ZNF514: variants seen among roughly 807,000 people sequenced by gnomAD.
ZNF514 encodes zinc finger protein 514.
ZNF514 carries 12 observed loss-of-function variants against 9.7 expected under a neutral mutation model. That is an observed-to-expected ratio of 1.24 (90% CI 0.79 to 2.01). ZNF514 has a LOEUF of 2.01. Among genes scored for constraint, ZNF514 ranks in the 30% most tolerant of loss-of-function variants. The probability of loss-of-function intolerance (pLI) is 0.00; values close to 1 mark genes in which losing one functional copy is unlikely to be tolerated. For missense variants in ZNF514, 467 were observed against 465.5 expected (o/e 1.00, Z -0.03); for synonymous variants, 158 against 163.7 (o/e 0.97, Z 0.27).
At chr2:95,133,164 G>C in the ZNF514 span, among the ~76,000 whole-genome samples, 1 of 152,022 alleles carries the variant, frequency 6.6e-6, no homozygotes, top group African/African-American at 2.4e-5. Context: ...AGAGAATTAT[G>C]CTAAATGAAA....
In ZNF514 at chr2:95,157,395, C is replaced by T; in HGVS notation, c.-51G>A. 7.8e-7 allele frequency: 1 copy of T among 1,289,662 alleles called. No individual in the cohort carries two copies. The highest frequency in any genetic ancestry group is 1.0e-6 in the Non-Finnish European group (1 of 988,780). The allele number at this position is 1,289,662 out of a possible 1,614,324, so 79.9% of individuals were successfully genotyped here. ...AATGAATTGGTTGTTCCCTCTTCTC[C>T]TGGGAATCTCTCTGGAGGAAGAGCA... On this transcript the variant is annotated 5_prime_UTR_variant, in exon 2 of 5. Coordinates refer to ENST00000295208, the MANE Select transcript of ZNF514 (RefSeq NM_032788.3).
intron 4 of ZNF514, 131 bp from the exon 5 acceptor site, chr2:95,150,398 A>AT: frequency 9.9e-7 from 1 of 1,008,882 alleles, no homozygotes; most frequent in Non-Finnish European, 1.4e-6. Flanking sequence ...GGACGTACAG[A>AT]TTTTTTCAAT....
intron 1 of ZNF514, among the ~76,000 whole-genome samples, chr2:95,158,545 C>A (rs1673749865): frequency 6.6e-6 from 1 of 152,200 alleles, no homozygotes; most frequent in Admixed American, 6.5e-5. Flanking sequence ...TGAGCTAGAA[C>A]GACTGGAAGA....
At chr2:95,156,660 A>G (rs181068002) in intron 2 of ZNF514, among the ~76,000 whole-genome samples, 59 of 152,350 alleles carry the variant, frequency 3.9e-4, no homozygotes, top group African/African-American at 1.4e-3. Flanking sequence ...TTCTCCATAA[A>G]TAATAACTAT....
rs763315542 is a variant in ZNF514, at chr2:95,149,598, G to T, written c.887C>A (p.Ala296Asp). The change falls in exon 5 of 5, where the codon GCC (alanine) becomes GAC (aspartate). Residue 296 changes from alanine to aspartate, a missense_variant. Ala to Asp is a moderately radical substitution (Grantham distance 126). Coordinates refer to ENST00000295208, the MANE Select transcript of ZNF514 (RefSeq NM_032788.3). ...AATAAGGGATGAAGTGTGACCAAAG[G>T]CTCGTCCACATTCATTACATTTGTA... Reference protein sequence around the residue: ...KPYKCNECGRAFGHTSSLIKH... With the variant: ...KPYKCNECGRDFGHTSSLIKH... 1.2e-6 allele frequency: 2 copies of T among 1,613,814 alleles called. No individual in the cohort carries two copies. Among genetic ancestry groups the T allele is most frequent in the African/African-American group, 1.3e-5 (1 of 74,820 alleles).
chr2:95,143,060 T>C (rs1015158112), downstream of ZNF514, among the ~76,000 whole-genome samples: 5 of 152,246 alleles, frequency 3.3e-5, no homozygotes, highest in Admixed American at 6.5e-5. Flanking sequence ...TCAATGCTTC[T>C]GTACAGCTGC....
intron 2 of ZNF514, among the ~76,000 whole-genome samples, chr2:95,156,413 AT>A (rs1433406387): frequency 6.6e-6 from 1 of 152,164 alleles, no homozygotes; most frequent in African/African-American, 2.4e-5. Context: ...CGGCTCTATG[AT>A]TGAGTGGTTA....
chr2:95,127,942 A>G, the ZNF514 span, among the ~76,000 whole-genome samples: 3 of 152,010 alleles, frequency 2.0e-5, no homozygotes, highest in African/African-American at 4.8e-5. Flanking sequence ...TGTTCCCTCT[A>G]TATTTTTGAC....
the ZNF514 span, among the ~76,000 whole-genome samples, chr2:95,130,474 G>A: frequency 6.6e-6 from 1 of 152,230 alleles, no homozygotes; most frequent in African/African-American, 2.4e-5. Flanking sequence ...GCCTGGGAGT[G>A]CTATGGGAGA....
At chr2:95,144,752 A>G (rs1157039767), downstream of ZNF514, among the ~76,000 whole-genome samples, 2 of 152,216 alleles carry the variant, frequency 1.3e-5, no homozygotes, top group Non-Finnish European at 2.9e-5. Context: ...ATTATAAGTA[A>G]AGGTAGCCTG....
At chr2:95,128,617 AAAAG>A in the ZNF514 span, among the ~76,000 whole-genome samples, 3 of 151,722 alleles carry the variant, frequency 2.0e-5, no homozygotes, top group Admixed American at 6.6e-5. Context: ...AGAAGAAAGA[AAAAG>A]GAGGAGGAGG....
At chr2:95,139,245 C>G in the ZNF514 span, among the ~76,000 whole-genome samples, 1 of 152,176 alleles carries the variant, frequency 6.6e-6, no homozygotes, top group African/African-American at 2.4e-5. Flanking sequence ...GGGGTTGGAG[C>G]CCCCACACAG....
At chr2:95,142,213 T>G (rs1437364286), downstream of ZNF514, among the ~76,000 whole-genome samples, 3 of 152,174 alleles carry the variant, frequency 2.0e-5, no homozygotes, top group Non-Finnish European at 4.4e-5. Flanking sequence ...CAGACCACCA[T>G]GATAAATACA....
At chr2:95,126,392 A>AAAAAAAAGAAAG in the ZNF514 span, among the ~76,000 whole-genome samples, 20 of 84,436 alleles carry the variant, frequency 2.4e-4, no homozygotes, top group African/African-American at 1.1e-3. Context: ...AAAAAAAAAA[A>AAAAAAAAGAAAG]AAAGAAAGAA....
chr2:95,137,354 G>T, the ZNF514 span, among the ~76,000 whole-genome samples: 3 of 152,122 alleles, frequency 2.0e-5, no homozygotes, highest in African/African-American at 7.2e-5. Flanking sequence ...GTCCCAAAAT[G>T]GCCATGTGGT....
chr2:95,141,642 T>TTGTCTAC (rs1229265390), downstream of ZNF514, among the ~76,000 whole-genome samples: 5 of 152,220 alleles, frequency 3.3e-5, no homozygotes, highest in East Asian at 9.6e-4. Flanking sequence ...TCATAAGATT[T>TTGTCTAC]TGTCTACTGG....
intron 1 of ZNF514, chr2:95,158,919 G>T (rs1218083116): frequency 2.3e-5 from 30 of 1,289,822 alleles, no homozygotes; most frequent in Non-Finnish European, 2.9e-5. Context: ...CTCGGTACTA[G>T]CTCCCCAAGA....
At position 95,147,900 on chromosome 2, in the gene ZNF514, A is replaced by C. The variant is rs1477847744; in HGVS notation, c.*1382T>G. 9 of 152,108 alleles carry C rather than the reference A, an allele frequency of 5.9e-5. No homozygotes were observed. Among genetic ancestry groups the C allele is most frequent in the Non-Finnish European group, 2.9e-5 (2 of 68,018 alleles). The allele number at this position is 152,108 out of a possible 1,614,324, so 9.4% of individuals were successfully genotyped here. ...GTGATCTGTCCGCCTCGGCCTCCCA[A>C]AGTGCTGAGGTTACAGGCGTGAGCC... On this transcript the variant is annotated 3_prime_UTR_variant, in exon 5 of 5. Coordinates refer to ENST00000295208, the MANE Select transcript of ZNF514 (RefSeq NM_032788.3).
Position 95,149,356 on chromosome 2 carries a change from A to G in ZNF514, c.1129T>C (p.Cys377Arg). Residue 377 changes from cysteine to arginine, a missense_variant, in exon 5 of 5, where the codon TGT becomes CGT. Physicochemically the swap from Cys to Arg is radical, Grantham distance 180. Coordinates refer to ENST00000295208, the MANE Select transcript of ZNF514 (RefSeq NM_032788.3). The part of the protein sequence containing the change: ...TGEKPYKCNE[C>R]GRAFAHTASL... ...GCAGTATGAGCAAAGGCCCTTCCAC[A>G]CTCATTACATTTGTAGGGTTTCTCT... 1 of 1,613,678 alleles carries G rather than the reference A, an allele frequency of 6.2e-7. No individual in the cohort carries two copies. The highest frequency in any genetic ancestry group is 8.5e-7 in the Non-Finnish European group (1 of 1,179,666).
Sources: gnomAD v4.1 joint callset for allele counts (sites outside exome capture counted in the v4.1 genomes callset) on GRCh38, gnomAD v4.1.1 for gene constraint, MANE v1.5 for transcripts, NCBI Gene and HGNC (gene_info 2026-07-23, HGNC 2026-07-21) for gene names.